The following PSME4 variants were observed in gnomAD, a reference collection of about 807,000 sequenced individuals.
The protein encoded by PSME4 is proteasome activator complex subunit 4.
A neutral mutation model predicts 253.9 loss-of-function variants in PSME4; 89 were observed. That is an observed-to-expected ratio of 0.35 (90% CI 0.30 to 0.42). PSME4 has a LOEUF of 0.42. Ranked by LOEUF, PSME4 falls within the 10% of genes least tolerant of loss-of-function variation. The pLI, the probability that PSME4 is intolerant of heterozygous loss-of-function variation, is 1.00. For synonymous variants in PSME4, 851 were observed against 759.2 expected (o/e 1.12, Z -1.99); for missense variants, 2,014 against 2,195.2 (o/e 0.92, Z 1.65).
At chr2:53,964,137 G>A (rs1205100739) in intron 1 of PSME4, among the ~76,000 whole-genome samples, 1 of 152,002 alleles carries the variant, frequency 6.6e-6, no homozygotes, top group Non-Finnish European at 1.5e-5. Context: ...AAAAGAAAAC[G>A]ACAAGCTGTT....
At chr2:53,913,025 C>A (rs1667896920) in intron 20 of PSME4, among the ~76,000 whole-genome samples, 1 of 152,142 alleles carries the variant, frequency 6.6e-6, no homozygotes, top group Non-Finnish European at 1.5e-5. Flanking sequence ...CCATCACTAC[C>A]TCTCCCTTCC....
At chr2:53,949,070 C>T in intron 2 of PSME4, 73 bp downstream of exon 2, 3 of 1,445,076 alleles carry the variant, frequency 2.1e-6, no homozygotes, top group Middle Eastern at 1.9e-4. Context: ...TTACCAAAAA[C>T]ACTTAGTCCT....
At chr2:53,892,717 A>T in intron 36 of PSME4, 91 bp downstream of exon 36, 1 of 1,177,668 alleles carries the variant, frequency 8.5e-7, no homozygotes, top group Non-Finnish European at 1.2e-6. Flanking sequence ...TTCATATTTT[A>T]ATTATCAGTA....
intron 3 of PSME4, chr2:53,942,021 C>T (rs1471188701): frequency 6.6e-6 from 1 of 152,526 alleles, no homozygotes; most frequent in African/African-American, 2.4e-5. Flanking sequence ...AGAGTCACTT[C>T]ACTTATTAGA....
At chr2:53,877,246 A>C (rs1250400693) in intron 41 of PSME4, among the ~76,000 whole-genome samples, 1 of 135,998 alleles carries the variant, frequency 7.4e-6, no homozygotes, top group African/African-American at 3.0e-5. Context: ...TCCTGCCTCT[A>C]CAAAAAAAAA....
At chr2:53,890,849 A>C (rs1434931061) in intron 36 of PSME4, among the ~76,000 whole-genome samples, 1 of 152,146 alleles carries the variant, frequency 6.6e-6, no homozygotes, top group Non-Finnish European at 1.5e-5. Flanking sequence ...TCACATGGCG[A>C]AACCATGTCT....
intron 41 of PSME4, among the ~76,000 whole-genome samples, chr2:53,879,801 C>CAAAAAAAAAAAAA (rs55730803): frequency 1.1e-5 from 1 of 89,934 alleles, no homozygotes; most frequent in Non-Finnish European, 2.1e-5. Flanking sequence ...GACCCTGTCT[C>CAAAAAAAAAAAAA]AAAAAAAAAA....
At chr2:53,919,817 A>G (rs904191280) in intron 19 of PSME4, among the ~76,000 whole-genome samples, 23 of 128,964 alleles carry the variant, frequency 1.8e-4, no homozygotes, top group Admixed American at 6.9e-4. Flanking sequence ...TGGGAGAGGG[A>G]AAAAAAAATC....
chr2:53,969,703 T>C (rs75808805), intron 1 of PSME4, among the ~76,000 whole-genome samples: 2 of 148,870 alleles, frequency 1.3e-5, no homozygotes, highest in East Asian at 2.0e-4. Context: ...TTTTTTTTTT[T>C]CCTAATTTCA....
chr2:53,942,471 A>G (rs895971566), intron 3 of PSME4, among the ~76,000 whole-genome samples: 1 of 152,146 alleles, frequency 6.6e-6, no homozygotes, highest in African/African-American at 2.4e-5. Flanking sequence ...GTTGAAAAAG[A>G]AAGCCACAGT....
At chr2:53,914,875 G>A (rs923658746) in intron 20 of PSME4, among the ~76,000 whole-genome samples, 1 of 152,010 alleles carries the variant, frequency 6.6e-6, no homozygotes, top group African/African-American at 2.4e-5. Context: ...GTGAAACTTC[G>A]TTTCCAAAAA....
intron 3 of PSME4, among the ~76,000 whole-genome samples, chr2:53,946,949 G>C (rs1573354035): frequency 6.6e-6 from 1 of 152,060 alleles, no homozygotes; most frequent in African/African-American, 2.4e-5. Flanking sequence ...GAGGAAGGGA[G>C]GGAGGGAGGA....
chr2:53,893,763 T>C lies in PSME4; in HGVS notation c.3949A>G (p.Lys1317Glu). ...AAAGTAATTAACTGCTCAACAAATT[T>C]AGGATCAGAAAAATGATCAAATATA... is the stretch of plus-strand genomic sequence containing the variant. ...QIIFDHFSDPKFVEQLITFLS... is the reference protein window; with the variant it reads ...QIIFDHFSDPEFVEQLITFLS... Residue 1317 changes from lysine to glutamate, a missense_variant, in exon 35 of 47, where the codon AAA (lysine) becomes GAA (glutamate). Lys to Glu is a moderately conservative substitution (Grantham distance 56, BLOSUM62 1). Around this residue, in one of 4 missense-constraint regions of PSME4, gnomAD observed 989 missense variants for 1,021.1 expected, o/e 0.97. Coordinates refer to ENST00000404125, the MANE Select transcript of PSME4 (RefSeq NM_014614.3). The C allele has an allele frequency of 6.2e-7, 1 of 1,610,474 alleles. No homozygotes were observed. Among genetic ancestry groups the C allele is most frequent in the East Asian group, 2.2e-5 (1 of 44,624 alleles).
chr2:53,955,239 T>A (rs973822109), intron 1 of PSME4, among the ~76,000 whole-genome samples: 1 of 152,156 alleles, frequency 6.6e-6, no homozygotes, highest in Non-Finnish European at 1.5e-5. Context: ...TGAAAAAAAA[T>A]CTATAAGTCT....
chr2:53,944,288 A>G (rs1230066715), intron 3 of PSME4, among the ~76,000 whole-genome samples: 1 of 151,926 alleles, frequency 6.6e-6, no homozygotes, highest in Non-Finnish European at 1.5e-5. Context: ...CCTCCTGGGT[A>G]GCTGGGATTA....
At chr2:53,960,217 T>C (rs140415123) in intron 1 of PSME4, among the ~76,000 whole-genome samples, 2,693 of 152,132 alleles carry the variant, frequency 0.018, 35 homozygotes, top group South Asian at 0.058. Context: ...CTGGCCAACA[T>C]GGCGAAACCC....
intron 3 of PSME4, among the ~76,000 whole-genome samples, chr2:53,946,864 A>T (rs539199733): frequency 6.6e-6 from 1 of 152,074 alleles, no homozygotes; most frequent in Non-Finnish European, 1.5e-5. Flanking sequence ...TGGTGATGCA[A>T]GATCTTGCCA....
intron 39 of PSME4, 133 bp from the exon 40 acceptor site, chr2:53,887,600 T>A: frequency 1.1e-6 from 1 of 930,474 alleles, no homozygotes. Context: ...TATGCCTGTG[T>A]GTAAAAGAAG....
intron 1 of PSME4, among the ~76,000 whole-genome samples, chr2:53,954,633 G>C (rs1670151207): frequency 1.3e-5 from 2 of 152,132 alleles, no homozygotes; most frequent in Non-Finnish European, 2.9e-5. Context: ...GAGGTCAGGA[G>C]TTCAAGATCA....
Sources: allele counts gnomAD v4.1 joint callset (sites outside exome capture counted in the v4.1 genomes callset), GRCh38; gene constraint gnomAD v4.1.1; regional missense constraint gnomAD v4.1.1; transcripts MANE v1.5; gene names NCBI Gene and HGNC (gene_info 2026-07-23, HGNC 2026-07-21).